The following HERC1 variants were observed in gnomAD, a reference collection of about 807,000 sequenced individuals.
HERC1 encodes probable E3 ubiquitin-protein ligase HERC1.
A neutral mutation model predicts 554.3 loss-of-function variants in HERC1; 160 were observed. The ratio of observed to expected loss-of-function variants is 0.29; its 90% confidence interval spans 0.25 to 0.33. The LOEUF (loss-of-function observed/expected upper bound fraction) is 0.33. HERC1 is among the 10% of genes least tolerant of loss of function. HERC1 has a pLI of 1.00. For missense variants in HERC1, 4,919 were observed against 5,918.5 expected, an observed-to-expected ratio of 0.83 and a Z score of 5.54; for synonymous variants, 2,175 against 2,131.7, an observed-to-expected ratio of 1.02 and a Z score of -0.56.
At chr15:63,666,953 G>A (rs993223056) in intron 40 of HERC1, among the ~76,000 whole-genome samples, 9 of 152,076 alleles carry the variant, frequency 5.9e-5, no homozygotes, top group Non-Finnish European at 1.3e-4. Context: ...TACATTCTTC[G>A]CATTTTTATG....
intron 12 of HERC1, among the ~76,000 whole-genome samples, chr15:63,745,837 C>G (rs1012700220): frequency 3.9e-5 from 6 of 152,154 alleles, no homozygotes; most frequent in African/African-American, 1.4e-4. Flanking sequence ...CTTGCTCTGC[C>G]TCTCAATTTC....
intron 24 of HERC1, among the ~76,000 whole-genome samples, chr15:63,709,431 T>C (rs938774912): frequency 1.3e-5 from 2 of 152,196 alleles, no homozygotes; most frequent in Non-Finnish European, 1.5e-5. Flanking sequence ...CCTCCATTGA[T>C]CTGTTGTCCC....
chr15:63,755,423 C>T (rs1387622156), intron 5 of HERC1, 98 bp from the exon 6 acceptor site: 3 of 907,824 alleles, frequency 3.3e-6, no homozygotes, highest in Non-Finnish European at 5.3e-6. Flanking sequence ...TACTAATATT[C>T]ACAACCCATC....
At chr15:63,637,966 A>C (rs961552901) in intron 63 of HERC1, among the ~76,000 whole-genome samples, 3 of 152,210 alleles carry the variant, frequency 2.0e-5, no homozygotes, top group Non-Finnish European at 4.4e-5. Context: ...AGAATGAGTC[A>C]TGCAATCTGG....
chr15:63,699,078 T>C (rs767741254), intron 25 of HERC1, 82 bp from the exon 26 acceptor site: 89 of 1,233,670 alleles, frequency 7.2e-5, no homozygotes, highest in Non-Finnish European at 8.6e-5. Context: ...TGAGTGCTGC[T>C]ACCATAACCA....
At chr15:63,617,029 C>CT (rs2067849746) in intron 74 of HERC1, among the ~76,000 whole-genome samples, 1 of 150,338 alleles carries the variant, frequency 6.7e-6, no homozygotes, top group East Asian at 1.9e-4. Flanking sequence ...TATTATTATA[C>CT]TTTAAGTTTT....
chr15:63,775,040 G>A lies in HERC1; in HGVS notation c.584C>T (p.Thr195Ile). The A allele has an allele frequency of 6.2e-7, 1 of 1,613,946 alleles. No homozygotes were observed. Among genetic ancestry groups the A allele is most frequent in the Non-Finnish European group, 8.5e-7 (1 of 1,179,812 alleles). ...GLSLCNDVIH[T>I]AIEVVSSLPP... ...CAAAGAGCTCACAACTTCAATTGCA[G>A]TATGAATGACATCGTTGCAAAGACT... The change falls in exon 2 of 78, where the codon ACT becomes ATT. Residue 195 changes from threonine to isoleucine, a missense_variant. Physicochemically the swap from Thr to Ile is moderately conservative, Grantham distance 89. Around this residue, in one of 11 missense-constraint regions of HERC1, gnomAD observed 744 missense variants for 1,090.0 expected, o/e 0.68. Transcript: ENST00000443617. This position sits in a 1 kb window ranked among gnomAD's most constrained non-coding sequence, Gnocchi z 4.0.
At chr15:63,742,792 G>A (rs961560838) in intron 12 of HERC1, among the ~76,000 whole-genome samples, 2 of 152,052 alleles carry the variant, frequency 1.3e-5, no homozygotes, top group African/African-American at 4.8e-5. Context: ...CTTTGAAAAT[G>A]GGATACATCC....
intron 54 of HERC1, among the ~76,000 whole-genome samples, chr15:63,649,309 C>T (rs192553502): frequency 9.2e-5 from 14 of 152,174 alleles, no homozygotes; most frequent in East Asian, 1.9e-4. Flanking sequence ...GCCGAGATCG[C>T]GCCACTGCAC....
chr15:63,685,316 G>A (rs2071692128), intron 34 of HERC1, among the ~76,000 whole-genome samples: 1 of 152,248 alleles, frequency 6.6e-6, no homozygotes, highest in African/African-American at 2.4e-5. Flanking sequence ...AAGGCCCCAT[G>A]GGGGCAGGTC....
In HERC1 at chr15:63,666,081, T is replaced by G; in HGVS notation, c.8393A>C (p.His2798Pro). The change falls in exon 42 of 78, where the codon CAT becomes CCT. Residue 2798 changes from histidine to proline, a missense_variant. Around this residue, in one of 11 missense-constraint regions of HERC1, gnomAD observed 1,963 missense variants for 2,228.6 expected, o/e 0.88. Coordinates refer to ENST00000443617, the MANE Select transcript of HERC1 (RefSeq NM_003922.4). ...LAMWMIEHPG[H>P]EDEEEPQSGS... ...CGACTGGGGCTCCTCTTCATCCTCA[T>G]GCCCAGGGTGCTCTATCATCCACAT... 6.2e-7 allele frequency: 1 copy of G among 1,614,048 alleles called. No individual in the cohort carries two copies. Among genetic ancestry groups the G allele is most frequent in the Non-Finnish European group, 8.5e-7 (1 of 1,179,886 alleles).
At chr15:63,800,098 G>A (rs1435844511) in intron 1 of HERC1, among the ~76,000 whole-genome samples, 2 of 152,140 alleles carry the variant, frequency 1.3e-5, no homozygotes, top group Non-Finnish European at 2.9e-5. Context: ...TCATGCCACT[G>A]CACTTCAGCC....
intron 19 of HERC1, among the ~76,000 whole-genome samples, chr15:63,722,851 C>T (rs2073879285): frequency 6.6e-6 from 1 of 152,074 alleles, no homozygotes; most frequent in African/African-American, 2.4e-5. Flanking sequence ...ACGGTACTAC[C>T]TGTGGTTTCA....
chr15:63,721,322 G>A (rs1596065994), intron 19 of HERC1, among the ~76,000 whole-genome samples: 2 of 152,098 alleles, frequency 1.3e-5, no homozygotes, highest in South Asian at 4.1e-4. Context: ...TCACGAGTTC[G>A]AGACCAGCCA....
chr15:63,649,935 A>G lies in HERC1; in HGVS notation c.10547-10T>C. The G allele has an allele frequency of 6.4e-7, 1 of 1,561,314 alleles. No homozygotes were observed. Among genetic ancestry groups the G allele is most frequent in the East Asian group, 2.3e-5 (1 of 43,020 alleles). On this transcript the variant is annotated splice_polypyrimidine_tract_variant and intron_variant, in intron 53 of 77. Transcript: ENST00000443617. The stretch of plus-strand genomic sequence containing the variant: ...ACTAATCCTTTTCCTCCTAAAAGGG[A>G]AAAAATGTTAACTAGTTTTTACTTA...
Position 63,630,591 on chromosome 15 carries a change from G to T in HERC1, c.12841C>A (p.Arg4281=). The T allele has an allele frequency of 6.2e-7, 1 of 1,613,698 alleles. No individual in the cohort carries two copies. The highest frequency in any genetic ancestry group is 8.5e-7 in the Non-Finnish European group (1 of 1,179,782). ...GCCAGGACAGGGATTTGTTGCGGTCGATTGTGATTGCGAGCACGCCCCTCT... is the reference window on the plus strand; with the variant it reads ...GCCAGGACAGGGATTTGTTGCGGTCTATTGTGATTGCGAGCACGCCCCTCT... ...LPEGRARNHN[R]PQQIPVLAGV... The change falls in exon 69 of 78, where the codon CGA becomes AGA. Residue 4281 remains arginine (R), a synonymous_variant. Transcript: ENST00000443617.
intron 22 of HERC1, among the ~76,000 whole-genome samples, chr15:63,715,818 G>GTAAAT (rs2073526684): frequency 6.6e-6 from 1 of 152,208 alleles, no homozygotes. Context: ...GTCAATAGCA[G>GTAAAT]TCTCATGTAA....
At chr15:63,713,302 G>T in intron 23 of HERC1, 51 bp downstream of exon 23, 8 of 1,440,584 alleles carry the variant, frequency 5.6e-6, no homozygotes, top group Non-Finnish European at 7.7e-6. Context: ...AGTGCATAAA[G>T]TAATAAAGGG....
At chr15:63,650,951 C>T (rs943069946) in intron 53 of HERC1, among the ~76,000 whole-genome samples, 3 of 152,096 alleles carry the variant, frequency 2.0e-5, no homozygotes, top group African/African-American at 7.2e-5. Context: ...CAAAAGAATA[C>T]ATAGCTTAAA....
Sources: gnomAD v4.1 joint callset for allele counts (sites outside exome capture counted in the v4.1 genomes callset) on GRCh38, gnomAD v4.1.1 for gene constraint, gnomAD v4.1.1 regional missense constraint, Gnocchi (gnomAD v3.1) non-coding constraint, MANE v1.5 for transcripts, NCBI Gene and HGNC (gene_info 2026-07-23, HGNC 2026-07-21) for gene names.